DTNB: variants seen among roughly 807,000 people sequenced by gnomAD.
The protein encoded by DTNB is dystrobrevin beta, also known as DTN-B.
In DTNB, 63 loss-of-function variants were observed where a neutral mutation model predicts 90.7. The ratio of observed to expected loss-of-function variants is 0.69; its 90% CI spans 0.57 to 0.86. The LOEUF is 0.86. DTNB is among the 40% of genes least tolerant of loss of function. The probability of loss-of-function intolerance (pLI) is 0.00; values close to 1 mark genes in which losing one functional copy is unlikely to be tolerated. For synonymous variants in DTNB, 277 were observed against 286.7 expected (o/e 0.97, Z 0.34); for missense variants, 744 against 807.1 (o/e 0.92, Z 0.95).
chr2:25,472,234 G>A (rs1422575272), intron 10 of DTNB, among the ~76,000 whole-genome samples: 2 of 152,200 alleles, frequency 1.3e-5, no homozygotes, highest in African/African-American at 4.8e-5. Context: ...GCTCACAGAA[G>A]ATCACATAAT....
At chr2:25,425,177 A>G (rs559094753) in intron 15 of DTNB, among the ~76,000 whole-genome samples, 2 of 152,208 alleles carry the variant, frequency 1.3e-5, no homozygotes, top group Non-Finnish European at 2.9e-5. Context: ...AATAAGACCC[A>G]TTTAGACATA....
intron 16 of DTNB, among the ~76,000 whole-genome samples, chr2:25,408,917 T>C (rs1281706244): frequency 2.0e-5 from 3 of 152,132 alleles, no homozygotes; most frequent in Admixed American, 2.0e-4. Context: ...CAGAGTGAAG[T>C]TATGGAAACA....
rs374146607 is a variant in DTNB at position 25,428,640 on chromosome 2, C to T, written c.1458-1009G>A. 3.9e-5 allele frequency among the ~76,000 whole-genome samples: 6 copies of T among 152,168 alleles called. No individual in the cohort carries two copies. The South Asian group carries it at 1.2e-3, about 32-fold the overall frequency. On this transcript the variant is annotated intron_variant, in intron 14 of 20. Transcript: ENST00000406818. ...TAGAGATGGAGTTTCACCATGTTGG[C>T]CAGGCTGGTCTCGAACTCCTGACCT...
chr2:25,640,997 A>G (rs187420322), intron 2 of DTNB, among the ~76,000 whole-genome samples: 55 of 152,322 alleles, frequency 3.6e-4, no homozygotes, highest in African/African-American at 1.2e-3. Flanking sequence ...CAAGTATCAC[A>G]AAAGTCCAAA....
intron 9 of DTNB, among the ~76,000 whole-genome samples, chr2:25,516,885 C>T (rs1223537321): frequency 6.6e-6 from 1 of 151,954 alleles, no homozygotes; most frequent in Admixed American, 6.6e-5. Flanking sequence ...CAGCAAAACC[C>T]TGTATCCAAA....
At chr2:25,664,644 G>A (rs764558191) in intron 1 of DTNB, among the ~76,000 whole-genome samples, 2 of 152,158 alleles carry the variant, frequency 1.3e-5, no homozygotes, top group Non-Finnish European at 2.9e-5. Context: ...CTGCCTAGAG[G>A]ATCATTTTAC....
At position 25,581,516 on chromosome 2, in the gene DTNB, C is replaced by T. The variant is rs574625644; in HGVS notation, c.604-690G>A. 4.6e-5 allele frequency among the ~76,000 whole-genome samples: 7 copies of T among 152,290 alleles called. 1 individual carries two copies. The South Asian group carries it at 6.2e-4, about 14-fold the overall frequency. ...CTGTTATACCATCTCCCTAGCTAGA[C>T]TGCATTTTTCTGTTCTATCTTTATT... On this transcript the variant is annotated intron_variant, in intron 6 of 20. Transcript: ENST00000406818.
intron 4 of DTNB, among the ~76,000 whole-genome samples, chr2:25,610,990 G>T (rs765630998): frequency 6.6e-6 from 1 of 152,154 alleles, no homozygotes; most frequent in Non-Finnish European, 1.5e-5. Context: ...GATTGCAGGC[G>T]TGAGCCACTG....
intron 2 of DTNB, among the ~76,000 whole-genome samples, chr2:25,643,631 T>A (rs892697393): frequency 2.0e-5 from 3 of 152,210 alleles, no homozygotes; most frequent in Non-Finnish European, 4.4e-5. Context: ...GGAAGCCACC[T>A]CCTTTTAGTA....
intron 12 of DTNB, among the ~76,000 whole-genome samples, chr2:25,448,439 A>T (rs1305685276): frequency 1.3e-5 from 2 of 152,382 alleles, no homozygotes; most frequent in East Asian, 1.9e-4. Flanking sequence ...TTTATTATGA[A>T]TATTTCAAAA....
At chr2:25,540,712 C>T (rs2081023052) in intron 8 of DTNB, among the ~76,000 whole-genome samples, 1 of 151,956 alleles carries the variant, frequency 6.6e-6, no homozygotes, top group Admixed American at 6.6e-5. Flanking sequence ...AATTCTTCTG[C>T]CTTGGGATCC....
chr2:25,514,500 A>AC (rs2074615564), intron 9 of DTNB, among the ~76,000 whole-genome samples: 1 of 45,312 alleles, frequency 2.2e-5, no homozygotes, highest in Admixed American at 2.3e-4. Flanking sequence ...CCCACCCCCC[A>AC]CAAAAACAAA....
At chr2:25,556,821 A>C (rs1055573248) in intron 8 of DTNB, among the ~76,000 whole-genome samples, 30 of 152,218 alleles carry the variant, frequency 2.0e-4, no homozygotes, top group Non-Finnish European at 1.5e-5. Flanking sequence ...GGAAACTAGA[A>C]TCGCAGATTC....
intron 9 of DTNB, among the ~76,000 whole-genome samples, chr2:25,506,689 A>G (rs775265946): frequency 2.0e-5 from 3 of 152,236 alleles, no homozygotes; most frequent in Non-Finnish European, 4.4e-5. Context: ...ATAAAAATGT[A>G]CAAATATTAT....
In DTNB at chr2:25,598,741, G is replaced by A. The variant is rs553175734; in HGVS notation, c.449-2501C>T. On this transcript the variant is annotated intron_variant, in intron 5 of 20. Transcript: ENST00000406818. ...AAAACAGGTTGAGGATAGGGACTGGGGGGCACTAAAGAAGAGTAGGATAAA... is the reference window on the plus strand; with the variant it reads ...AAAACAGGTTGAGGATAGGGACTGGAGGGCACTAAAGAAGAGTAGGATAAA... 4.6e-5 allele frequency: 7 copies of A among 152,248 alleles called. No homozygotes were observed. The East Asian group carries it at 1.2e-3, about 25-fold the overall frequency. The allele number at this position is 152,248 out of a possible 1,614,324, so 9.4% of individuals were successfully genotyped here.
intron 16 of DTNB, 148 bp downstream of exon 16, chr2:25,419,367 A>G: frequency 1.6e-6 from 2 of 1,275,580 alleles, no homozygotes; most frequent in East Asian, 5.1e-5. Context: ...GCCATTTTAC[A>G]ACACCATGGG....
intron 9 of DTNB, among the ~76,000 whole-genome samples, chr2:25,528,302 C>T (rs1377044742): frequency 1.3e-5 from 2 of 152,144 alleles, no homozygotes; most frequent in Non-Finnish European, 2.9e-5. Flanking sequence ...AAACCTACAT[C>T]AAATAACATA....
chr2:25,570,199 T>C (rs74329563), intron 8 of DTNB, among the ~76,000 whole-genome samples: 3,693 of 151,316 alleles, frequency 0.024, 136 homozygotes, highest in African/African-American at 0.085. Flanking sequence ...TCACTTGTGC[T>C]CAGCTCAGGA....
chr2:25,605,368 G>C (rs2066886010), intron 5 of DTNB, among the ~76,000 whole-genome samples: 1 of 152,144 alleles, frequency 6.6e-6, no homozygotes, highest in African/African-American at 2.4e-5. Flanking sequence ...TGGCCCGTGG[G>C]CTTTTGCACC....
Sources: gnomAD v4.1 joint callset for allele counts (sites outside exome capture counted in the v4.1 genomes callset) on GRCh38, gnomAD v4.1.1 for gene constraint, MANE v1.5 for transcripts, NCBI Gene and HGNC (gene_info 2026-07-23, HGNC 2026-07-21) for gene names.